Variants in MCC observed in about 807,000 individuals in gnomAD.
MCC encodes colorectal mutant cancer protein.
In MCC, 90 loss-of-function variants were observed where a neutral mutation model predicts 116.2. The observed-to-expected ratio is 0.77, with a 90% CI of 0.65 to 0.92. The LOEUF (loss-of-function observed/expected upper bound fraction) is 0.92. Among genes scored for constraint, MCC ranks in the 40% least tolerant of loss-of-function variants. The pLI, the probability that MCC is intolerant of heterozygous loss-of-function variation, is 0.00. For synonymous variants in MCC, 578 were observed against 510.5 expected (o/e 1.13, Z -1.78); for missense variants, 1,516 against 1,312.2 (o/e 1.16, Z -2.40).
chr5:113,474,023 T>G (rs982706520), intron 1 of MCC, among the ~76,000 whole-genome samples: 14 of 152,362 alleles, frequency 9.2e-5, no homozygotes, highest in Admixed American at 8.5e-4. Flanking sequence ...CACTGAATTT[T>G]GGTCACACTG....
intron 3 of MCC, among the ~76,000 whole-genome samples, chr5:113,205,407 CAT>C (rs1267965916): frequency 6.6e-6 from 1 of 152,210 alleles, no homozygotes; most frequent in Admixed American, 6.5e-5. Context: ...GGGCTTGTAT[CAT>C]AGAGAAGGTG....
intron 3 of MCC, among the ~76,000 whole-genome samples, chr5:113,173,156 T>G (rs1452916529): frequency 6.6e-6 from 1 of 152,182 alleles, no homozygotes. Context: ...TTTATGTAGC[T>G]TCCATAAACC....
intron 15 of MCC, among the ~76,000 whole-genome samples, chr5:113,052,757 C>A (rs1239281273): frequency 6.6e-6 from 1 of 152,172 alleles, no homozygotes; most frequent in African/African-American, 2.4e-5. Context: ...CCTGACCGGT[C>A]CTAAACTCAA....
At chr5:113,393,769 C>T (rs1769458955) in intron 1 of MCC, among the ~76,000 whole-genome samples, 1 of 152,152 alleles carries the variant, frequency 6.6e-6, no homozygotes, top group Non-Finnish European at 1.5e-5. Flanking sequence ...CTTTCTTTCT[C>T]TTCAGTGCTT....
chr5:113,390,391 A>G (rs920008641), intron 1 of MCC, among the ~76,000 whole-genome samples: 8 of 152,210 alleles, frequency 5.3e-5, no homozygotes, highest in Admixed American at 4.6e-4. Flanking sequence ...GTATCAGAGG[A>G]GCTGGCCAAG....
intron 4 of MCC, 103 bp from the exon 5 acceptor site, chr5:113,143,463 A>G (rs1324212900): frequency 1.7e-6 from 2 of 1,195,980 alleles, no homozygotes; most frequent in Non-Finnish European, 2.4e-6. Flanking sequence ...GCCAACACTG[A>G]GTATGCCCCA....
At chr5:113,027,980 G>A (rs537370938) in intron 18 of MCC, among the ~76,000 whole-genome samples, 1 of 152,292 alleles carries the variant, frequency 6.6e-6, no homozygotes, top group East Asian at 1.9e-4. Context: ...TATTAAATTA[G>A]GCCATAAGCC....
At chr5:113,074,294 T>A (rs1473346632) in intron 11 of MCC, among the ~76,000 whole-genome samples, 1 of 152,074 alleles carries the variant, frequency 6.6e-6, no homozygotes, top group East Asian at 1.9e-4. Context: ...TCCAGCAAAC[T>A]CCAACAGACC....
At chr5:113,060,418 G>T (rs1753137742) in intron 14 of MCC, among the ~76,000 whole-genome samples, 1 of 152,148 alleles carries the variant, frequency 6.6e-6, no homozygotes, top group African/African-American at 2.4e-5. Context: ...CTCCCAAAGT[G>T]CTGGGATTAC....
intron 6 of MCC, among the ~76,000 whole-genome samples, chr5:113,105,289 T>G (rs1283858235): frequency 6.6e-6 from 1 of 152,230 alleles, no homozygotes. Flanking sequence ...CTCTCCTGCA[T>G]GCTTCTCACC....
intron 5 of MCC, among the ~76,000 whole-genome samples, chr5:113,124,561 G>A (rs574425463): frequency 9.1e-4 from 138 of 152,162 alleles, no homozygotes; most frequent in Non-Finnish European, 1.6e-3. Flanking sequence ...TGGCAGATTC[G>A]AAAACATATA....
At chr5:113,483,155 G>C (rs1402433442) in intron 1 of MCC, among the ~76,000 whole-genome samples, 2 of 152,130 alleles carry the variant, frequency 1.3e-5, no homozygotes, top group Non-Finnish European at 2.9e-5. Context: ...TAGTACCATA[G>C]TGTCTTAATT....
chr5:113,232,202 T>A (rs1763962805), intron 3 of MCC, among the ~76,000 whole-genome samples: 1 of 152,178 alleles, frequency 6.6e-6, no homozygotes, highest in Non-Finnish European at 1.5e-5. Flanking sequence ...GAAAGTCACA[T>A]CCATCCACAG....
intron 1 of MCC, among the ~76,000 whole-genome samples, chr5:113,404,837 G>C (rs903915880): frequency 6.6e-6 from 1 of 151,810 alleles, no homozygotes; most frequent in Non-Finnish European, 1.5e-5. Context: ...GGCAGGTGCA[G>C]ATCAGTGCGT....
intron 1 of MCC, among the ~76,000 whole-genome samples, chr5:113,465,474 G>A (rs757876115): frequency 1.1e-4 from 17 of 152,088 alleles, no homozygotes; most frequent in Admixed American, 1.3e-4. Context: ...AGTAGAGAGA[G>A]TTTTAACATA....
intron 1 of MCC, among the ~76,000 whole-genome samples, chr5:113,476,232 A>G (rs1772231930): frequency 6.6e-6 from 1 of 152,232 alleles, no homozygotes; most frequent in Admixed American, 6.5e-5. Context: ...GACCAACCAC[A>G]GACTAAAAAC....
intron 6 of MCC, among the ~76,000 whole-genome samples, chr5:113,107,734 C>G (rs1756831987): frequency 6.6e-6 from 1 of 152,170 alleles, no homozygotes. Flanking sequence ...TTCAGACATT[C>G]TGTGCTGACT....
chr5:113,150,000 C>A (rs1759752603), intron 4 of MCC, among the ~76,000 whole-genome samples: 1 of 152,114 alleles, frequency 6.6e-6, no homozygotes, highest in South Asian at 2.1e-4. Context: ...AGAGTCAGTG[C>A]AAGGGGCCCA....
chr5:113,121,090 T>C (rs1757709067), intron 6 of MCC, among the ~76,000 whole-genome samples: 1 of 152,192 alleles, frequency 6.6e-6, no homozygotes, highest in Non-Finnish European at 1.5e-5. Flanking sequence ...TCAATCGGTT[T>C]CCAATCCTTC....
Sources: allele counts gnomAD v4.1 joint callset (sites outside exome capture counted in the v4.1 genomes callset), GRCh38; gene constraint gnomAD v4.1.1; transcripts MANE v1.5; gene names NCBI Gene and HGNC (gene_info 2026-07-23, HGNC 2026-07-21).